Variants in CWC27 observed in about 807,000 individuals in gnomAD.
CWC27 encodes the protein spliceosome-associated protein CWC27 homolog.
A neutral mutation model predicts 63.6 loss-of-function variants in CWC27; 47 were observed. The observed-to-expected ratio is 0.74, with a 90% CI of 0.58 to 0.94. The LOEUF (loss-of-function observed/expected upper bound fraction) is 0.94. CWC27 is among the 40% of genes least tolerant of loss of function. The pLI, the probability that CWC27 is intolerant of heterozygous loss-of-function variation, is 0.00. For synonymous variants in CWC27, 175 were observed against 179.8 expected, an observed-to-expected ratio of 0.97 and a Z score of 0.22; for missense variants, 495 against 554.3, an observed-to-expected ratio of 0.89 and a Z score of 1.07.
At chr5:64,962,066 T>C (rs1038782374) in intron 11 of CWC27, among the ~76,000 whole-genome samples, 1 of 152,216 alleles carries the variant, frequency 6.6e-6, no homozygotes, top group Admixed American at 6.5e-5. Flanking sequence ...AACAGAATTA[T>C]TTTAAATGTC....
intron 10 of CWC27, among the ~76,000 whole-genome samples, chr5:64,815,775 A>T (rs949952894): frequency 3.9e-5 from 6 of 152,198 alleles, no homozygotes; most frequent in Admixed American, 1.3e-4. Flanking sequence ...ATCAGTCTTT[A>T]CACCCAAGGG....
intron 10 of CWC27, among the ~76,000 whole-genome samples, chr5:64,827,456 A>T (rs1745394428): frequency 6.6e-6 from 1 of 152,210 alleles, no homozygotes; most frequent in Non-Finnish European, 1.5e-5. Flanking sequence ...TGTTTGTAGG[A>T]ATCAGGAATA....
chr5:64,918,550 G>A (rs2112387500), intron 11 of CWC27, among the ~76,000 whole-genome samples: 2 of 151,942 alleles, frequency 1.3e-5, no homozygotes, highest in South Asian at 4.2e-4. Context: ...TACAACTGTT[G>A]TATATATATT....
intron 11 of CWC27, among the ~76,000 whole-genome samples, chr5:64,963,170 C>T (rs1187588101): frequency 6.6e-6 from 1 of 152,074 alleles, no homozygotes; most frequent in Non-Finnish European, 1.5e-5. Context: ...CCATGTTGCC[C>T]AGGCTGGTTT....
intron 7 of CWC27, among the ~76,000 whole-genome samples, chr5:64,795,747 C>A (rs760218754): frequency 6.6e-6 from 1 of 152,064 alleles, no homozygotes; most frequent in Non-Finnish European, 1.5e-5. Context: ...CATTTATATG[C>A]AAAGTCTCTT....
intron 1 of CWC27, among the ~76,000 whole-genome samples, chr5:64,771,035 C>G (rs181410104): frequency 1.3e-5 from 2 of 152,278 alleles, no homozygotes; most frequent in Admixed American, 1.3e-4. Flanking sequence ...TATACATTGA[C>G]TGAATAATCA....
chr5:64,826,718 T>C (rs1406513294), intron 10 of CWC27, among the ~76,000 whole-genome samples: 1 of 150,788 alleles, frequency 6.6e-6, no homozygotes, highest in Non-Finnish European at 1.5e-5. Flanking sequence ...TTTTTTTTGC[T>C]AATATCACAA....
chr5:64,853,729 G>A (rs12655708), intron 10 of CWC27, among the ~76,000 whole-genome samples: 48,475 of 151,948 alleles, frequency 0.32, 8,640 homozygotes, highest in Middle Eastern at 0.51. Flanking sequence ...ATTGTCAGGA[G>A]GACAGCAACA....
intron 10 of CWC27, among the ~76,000 whole-genome samples, chr5:64,869,323 G>A (rs935939146): frequency 6.6e-6 from 1 of 151,940 alleles, no homozygotes; most frequent in Non-Finnish European, 1.5e-5. Context: ...TTTCTATTTG[G>A]GCTGAACTAC....
At chr5:64,770,971 CAATGGA>C (rs1743232384) in intron 1 of CWC27, among the ~76,000 whole-genome samples, 1 of 152,050 alleles carries the variant, frequency 6.6e-6, no homozygotes, top group African/African-American at 2.4e-5. Context: ...TTTAGGGAGA[CAATGGA>C]AAGAAAACAC....
intron 10 of CWC27, among the ~76,000 whole-genome samples, chr5:64,811,078 A>AT (rs1744864288): frequency 6.6e-6 from 1 of 152,094 alleles, no homozygotes; most frequent in African/African-American, 2.4e-5. Flanking sequence ...CTGTTCATAA[A>AT]TTTTGGTATT....
chr5:65,013,322 C>T (rs1429638738), intron 13 of CWC27, among the ~76,000 whole-genome samples: 1 of 152,150 alleles, frequency 6.6e-6, no homozygotes, highest in Non-Finnish European at 1.5e-5. Flanking sequence ...ACAGTCTCTA[C>T]CCACAAAAGG....
intron 13 of CWC27, among the ~76,000 whole-genome samples, chr5:64,990,111 C>G (rs1304263185): frequency 1.3e-5 from 2 of 152,020 alleles, no homozygotes; most frequent in African/African-American, 4.8e-5. Context: ...TTCTTCTTGC[C>G]AAGAATTTCA....
At chr5:64,813,232 T>C (rs1219460032) in intron 10 of CWC27, among the ~76,000 whole-genome samples, 1 of 152,194 alleles carries the variant, frequency 6.6e-6, no homozygotes, top group African/African-American at 2.4e-5. Context: ...CAAGCTTCCA[T>C]TTTTCTTCTG....
At chr5:64,970,939 AAGAG>A (rs1177013141) in intron 11 of CWC27, among the ~76,000 whole-genome samples, 55 of 142,664 alleles carry the variant, frequency 3.9e-4, no homozygotes, top group East Asian at 3.1e-3. Context: ...AGCCAAAGAG[AAGAG>A]AGAGAGAGAG....
chr5:65,008,738 A>G (rs561858795), intron 13 of CWC27, among the ~76,000 whole-genome samples: 3 of 152,336 alleles, frequency 2.0e-5, no homozygotes, highest in African/African-American at 7.2e-5. Flanking sequence ...GTGAATGTAT[A>G]TTGCTGAAGC....
At chr5:64,831,532 A>G (rs1004732297) in intron 10 of CWC27, among the ~76,000 whole-genome samples, 1 of 151,972 alleles carries the variant, frequency 6.6e-6, no homozygotes, top group Non-Finnish European at 1.5e-5. Flanking sequence ...ATAGATAGAT[A>G]TGGATATAGA....
chr5:64,783,728 T>C, intron 3 of CWC27, 108 bp from the exon 4 acceptor site: 1 of 924,216 alleles, frequency 1.1e-6, no homozygotes, highest in South Asian at 2.6e-5. Flanking sequence ...AAGTAAAATG[T>C]CTGCATTTTT....
At chr5:64,910,796 A>G (rs1368191797) in intron 11 of CWC27, among the ~76,000 whole-genome samples, 2 of 152,236 alleles carry the variant, frequency 1.3e-5, no homozygotes, top group Non-Finnish European at 2.9e-5. Context: ...CCATTTGCTA[A>G]GACCTTTGGA....
Sources: allele counts gnomAD v4.1 joint callset (sites outside exome capture counted in the v4.1 genomes callset), GRCh38; gene constraint gnomAD v4.1.1; transcripts MANE v1.5; gene names NCBI Gene and HGNC (gene_info 2026-07-23, HGNC 2026-07-21).